The following CDKN2A variants were observed in gnomAD, a reference collection of about 807,000 sequenced individuals.
CDKN2A encodes cyclin dependent kinase inhibitor 2A, also known as cyclin-dependent kinase inhibitor 2A.
CDKN2A carries 3 observed loss-of-function variants against 11.1 expected under a neutral mutation model. That is an observed-to-expected ratio of 0.27 (90% CI 0.12 to 0.70). CDKN2A has a LOEUF of 0.70. Among genes scored for constraint, CDKN2A ranks in the 30% least tolerant of loss-of-function variants. The pLI is 0.77. For synonymous variants in CDKN2A, 122 were observed against 108.1 expected (o/e 1.13, Z -0.80); for missense variants, 265 against 233.6 (o/e 1.13, Z -0.88).
chr9:21,992,397 G>T, intron 2 of CDKN2A: 2 of 983,576 alleles, frequency 2.0e-6, no homozygotes, highest in Non-Finnish European at 2.4e-6. Flanking sequence ...TATATTTCAA[G>T]ACATTCTATC....
intron 2 of CDKN2A, chr9:21,989,563 G>C (rs1394355590): frequency 6.6e-6 from 1 of 152,108 alleles, no homozygotes; most frequent in Non-Finnish European, 1.5e-5. Flanking sequence ...GGCTTGGAAG[G>C]GAACGAAATG....
At chr9:21,972,309 GA>G (rs2131101867) in intron 1 of CDKN2A, among the ~76,000 whole-genome samples, 1 of 152,254 alleles carries the variant, frequency 6.6e-6, no homozygotes, top group Admixed American at 6.5e-5. Flanking sequence ...TGTGGCAAAA[GA>G]GGCTTTGCAG....
chr9:21,988,904 T>C lies in CDKN2A; in HGVS notation c.-4+4978A>G, dbSNP rs978836158. 6.6e-6 allele frequency among the ~76,000 whole-genome samples: 1 copy of C among 152,228 alleles called. No individual in the cohort carries two copies. ...CTAAGTATTTGCCATTCCCTTTAGA[T>C]GGAAACGTTCTTTGGTCCACCAAGC... On this transcript the variant is annotated intron_variant, in intron 2 of 3. Transcript: ENST00000494262. This position sits in a 1 kb window ranked among gnomAD's most constrained non-coding sequence, Gnocchi z 4.1.
chr9:21,974,600 T>G lies in CDKN2A; in HGVS notation c.150+78A>C. ...TTTTCCGGAGAATCGAAGCGCTACC[T>G]GATTCCAATTCCCCTGCAAACTTCG... On this transcript the variant is annotated intron_variant, in intron 1 of 2. Coordinates refer to ENST00000304494, the MANE Select transcript of CDKN2A (RefSeq NM_000077.5). The surrounding 1 kb of genome is among the most constrained non-coding windows in gnomAD (Gnocchi z 5.2). The G allele has an allele frequency of 6.2e-7, 1 of 1,614,088 alleles. No individual in the cohort carries two copies. Among genetic ancestry groups the G allele is most frequent in the Non-Finnish European group, 8.5e-7 (1 of 1,180,014 alleles).
chr9:21,978,579 GTTA>G (rs547247132), upstream of CDKN2A, among the ~76,000 whole-genome samples: 22 of 152,220 alleles, frequency 1.4e-4, no homozygotes, highest in Admixed American at 2.0e-4. Flanking sequence ...GTTGGTTATT[GTTA>G]TTATTATTCT....
At position 21,981,069 on chromosome 9, in the gene CDKN2A, T is replaced by C. The variant is rs13302611; in HGVS notation, c.-3-9861A>G. Among the ~76,000 whole-genome samples the C allele has an allele frequency of 1.6e-3, 65 of 41,636 alleles. 25 individuals are homozygous for C. In the East Asian group the frequency reaches 0.025, roughly 16 times the overall value. 27.3% of individuals were successfully genotyped at this position (41,636 alleles called of 152,430 possible). ...ATATATATATACGTGTATATATATA[T>C]ACGTGTATATATATATATACGTGTA... On this transcript the variant is annotated intron_variant, in intron 2 of 3. Coordinates refer to the CDKN2A transcript ENST00000494262.
chr9:21,974,960 G>A, upstream of CDKN2A: 1 of 1,417,792 alleles, frequency 7.1e-7, no homozygotes, highest in Non-Finnish European at 9.1e-7. This position sits in a 1 kb window ranked among gnomAD's most constrained non-coding sequence, Gnocchi z 5.2. Context: ...AGCCCCCTCC[G>A]ACCCTGTCCC....
intron 2 of CDKN2A, among the ~76,000 whole-genome samples, chr9:21,993,117 C>T (rs1476187260): frequency 6.6e-6 from 1 of 152,228 alleles, no homozygotes; most frequent in Non-Finnish European, 1.5e-5. Flanking sequence ...AATTACCCCT[C>T]CGCTGGCCTT....
At position 21,968,098 on chromosome 9, in the gene CDKN2A, A is replaced by T. The variant is rs1819496136; in HGVS notation, c.*131T>A. ...CTACGTTAAAAGGCAGGACATTTTT[A>T]AAAGCTCTATTTTCTAAATGAAAAC... On this transcript the variant is annotated 3_prime_UTR_variant, in exon 3 of 3. Coordinates refer to ENST00000304494, the MANE Select transcript of CDKN2A (RefSeq NM_000077.5). The surrounding 1 kb of genome is among the most constrained non-coding windows in gnomAD (Gnocchi z 4.7). The T allele has an allele frequency of 2.4e-6, 2 of 817,148 alleles. No homozygotes were observed. Among genetic ancestry groups the T allele is most frequent in the South Asian group, 1.4e-5 (1 of 72,780 alleles). The allele number at this position is 817,148 out of a possible 1,614,324, so 50.6% of individuals were successfully genotyped here. A position where few individuals can be genotyped will look rare whatever the true frequency, so the allele number is the denominator to read the frequency against.
chr9:21,971,586 T>TTTTTTTTTTTTTTTTTTTTG, intron 1 of CDKN2A, among the ~76,000 whole-genome samples: 1 of 149,234 alleles, frequency 6.7e-6, no homozygotes, highest in African/African-American at 2.5e-5. Context: ...TTTTTTTTTT[T>TTTTTTTTTTTTTTTTTTTTG]TTTTTTGTTC....
chr9:21,982,920 A>T (rs1388028607), intron 2 of CDKN2A, among the ~76,000 whole-genome samples: 1 of 152,064 alleles, frequency 6.6e-6, no homozygotes, highest in Admixed American at 6.5e-5. Flanking sequence ...GAAAAGTTCA[A>T]ACTTAAGGTT....
intron 2 of CDKN2A, chr9:21,989,668 A>T (rs1820378220): frequency 6.6e-6 from 1 of 152,248 alleles, no homozygotes; most frequent in South Asian, 2.1e-4. Flanking sequence ...AACAAGGCCT[A>T]GCCAGTTCCA....
intron 1 of CDKN2A, among the ~76,000 whole-genome samples, chr9:21,971,774 T>C (rs940500601): frequency 7.9e-5 from 12 of 152,122 alleles, no homozygotes; most frequent in African/African-American, 2.9e-4. Context: ...TACAGTTGTA[T>C]ATATTTATGT....
At chr9:21,979,035 C>T (rs556908931), upstream of CDKN2A, among the ~76,000 whole-genome samples, 1 of 152,148 alleles carries the variant, frequency 6.6e-6, no homozygotes, top group African/African-American at 2.4e-5. Context: ...GAAAAGGTGA[C>T]CAAACTCATT....
chr9:21,992,445 G>A, intron 2 of CDKN2A: 1 of 982,792 alleles, frequency 1.0e-6, no homozygotes, highest in Non-Finnish European at 1.2e-6. Context: ...CCTGAAGATT[G>A]CGCTTTTCAC....
At chr9:21,982,535 A>G (rs1451160130) in intron 2 of CDKN2A, among the ~76,000 whole-genome samples, 1 of 151,976 alleles carries the variant, frequency 6.6e-6, no homozygotes, top group Non-Finnish European at 1.5e-5. Flanking sequence ...ATTTGTAGCT[A>G]TTTGATCAGC....
chr9:21,994,559 G>T, intron 1 of CDKN2A: 2 of 1,157,646 alleles, frequency 1.7e-6, no homozygotes, highest in Non-Finnish European at 2.3e-6. Context: ...CCAAGATCTC[G>T]GAACGGCTCT....
At position 21,974,717 on chromosome 9, in the gene CDKN2A, C is replaced by T. The variant is rs1016841954; in HGVS notation, c.111G>A (p.Leu37=). 1 of 1,611,318 alleles carries T rather than the reference C, an allele frequency of 6.2e-7. No homozygotes were observed. The highest frequency in any genetic ancestry group is 8.5e-7 in the Non-Finnish European group (1 of 1,179,700). ...EVRALLEAGA[L]PNAPNSYGRR... is the part of the protein sequence containing the mutation. ...GACCGTAACTATTCGGTGCGTTGGG[C>T]AGCGCCCCCGCCTCCAGCAGCGCCC... Residue 37 remains leucine (L), a synonymous_variant, in exon 1 of 3, where the codon CTG becomes CTA. Coordinates refer to ENST00000304494, the MANE Select transcript of CDKN2A (RefSeq NM_000077.5). This position sits in a 1 kb window ranked among gnomAD's most constrained non-coding sequence, Gnocchi z 5.2.
chr9:21,977,111 CA>C (rs1318799040), upstream of CDKN2A, among the ~76,000 whole-genome samples: 1 of 152,088 alleles, frequency 6.6e-6, no homozygotes, highest in Non-Finnish European at 1.5e-5. Flanking sequence ...CCAATGAAAA[CA>C]ATTTGGGATG....
Sources: gnomAD v4.1 joint callset for allele counts (sites outside exome capture counted in the v4.1 genomes callset) on GRCh38, gnomAD v4.1.1 for gene constraint, Gnocchi (gnomAD v3.1) non-coding constraint, MANE v1.5 for transcripts, NCBI Gene and HGNC (gene_info 2026-07-23, HGNC 2026-07-21) for gene names.